Variants in GARRE1 observed in about 807,000 individuals in gnomAD.
GARRE1 encodes granule associated Rac and RHOG effector protein 1.
In GARRE1, 49 loss-of-function variants were observed where a neutral mutation model predicts 103.2. The observed-to-expected ratio is 0.47, with a 90% confidence interval of 0.38 to 0.60. The LOEUF (loss-of-function observed/expected upper bound fraction) is 0.60. Among genes scored for constraint, GARRE1 ranks in the 20% least tolerant of loss-of-function variants. The pLI, the probability that GARRE1 is intolerant of heterozygous loss-of-function variation, is 0.00. For missense variants in GARRE1, 1,199 were observed against 1,370.5 expected, an observed-to-expected ratio of 0.87 and a Z score of 1.98; for synonymous variants, 505 against 532.8, an observed-to-expected ratio of 0.95 and a Z score of 0.72.
intron 1 of GARRE1, among the ~76,000 whole-genome samples, chr19:34,255,904 G>C (rs577055157): frequency 1.2e-4 from 18 of 151,932 alleles, no homozygotes; most frequent in African/African-American, 4.1e-4. Flanking sequence ...TGCAGTGGCG[G>C]GATCTAGATT....
chr19:34,337,598 C>T (rs2074167165), intron 8 of GARRE1, among the ~76,000 whole-genome samples: 1 of 152,120 alleles, frequency 6.6e-6, no homozygotes, highest in Non-Finnish European at 1.5e-5. Flanking sequence ...TTGTAGACGT[C>T]AAGACTTGCA....
At chr19:34,279,849 G>T (rs2073840496) in intron 1 of GARRE1, among the ~76,000 whole-genome samples, 1 of 150,914 alleles carries the variant, frequency 6.6e-6, no homozygotes, top group Non-Finnish European at 1.5e-5. Flanking sequence ...GCCGGGCGTA[G>T]TGGCGGGCGC....
Position 34,342,061 on chromosome 19 carries a change from ACCTCTGACACCCCAG to A in GARRE1, c.2130_2144del (p.Leu711_Pro715del). ...GGGCACCCCAGGCTGGGGCACACAC[ACCTCTGACACCCCAG>A]CCGGGACTGGCACCTCAGCAGCAGT... On this transcript the variant is annotated inframe_deletion, in exon 10 of 14. Transcript: ENST00000299505. 1 of 1,613,744 alleles carries A rather than the reference ACCTCTGACACCCCAG, an allele frequency of 6.2e-7. No homozygotes were observed. Among genetic ancestry groups the A allele is most frequent in the Non-Finnish European group, 8.5e-7 (1 of 1,179,918 alleles).
chr19:34,298,282 G>A (rs1392537309), intron 1 of GARRE1, among the ~76,000 whole-genome samples: 1 of 151,864 alleles, frequency 6.6e-6, no homozygotes, highest in African/African-American at 2.4e-5. Context: ...CAAGCATGGT[G>A]GTACATCTGT....
In GARRE1 at chr19:34,352,973, TGCC is replaced by T; in HGVS notation, c.*19_*21del. ...AGTACTGACCCCAGGCCAGCCAGCC[TGCC>T]TGCCTGCCTGCCTGCCCGCCCAGAG... On this transcript the variant is annotated 3_prime_UTR_variant, in exon 14 of 14. Coordinates refer to ENST00000299505, the MANE Select transcript of GARRE1 (RefSeq NM_014686.5). 1.7e-6 allele frequency: 1 copy of T among 576,238 alleles called. No individual in the cohort carries two copies. The highest frequency in any genetic ancestry group is 5.9e-5 in the South Asian group (1 of 16,966). 35.7% of individuals were successfully genotyped at this position (576,238 alleles called of 1,614,324 possible). A position where few individuals can be genotyped will look rare whatever the true frequency, so the allele number is the denominator to read the frequency against.
chr19:34,341,464 G>C lies in GARRE1; in HGVS notation c.1530G>C (p.Glu510Asp). ...LPCIQIQLQR[E>D]ICDFGNQADL... ...GCATACAGATCCAGCTGCAAAGGGAGATCTGTGATTTTGGCAACCAGGCTG... is the reference window on the plus strand; with the variant it reads ...GCATACAGATCCAGCTGCAAAGGGACATCTGTGATTTTGGCAACCAGGCTG... Residue 510 changes from glutamate (E) to aspartate (D), a missense_variant, in exon 10 of 14, where the codon GAG becomes GAC. Physicochemically the swap from Glu to Asp is conservative, Grantham distance 45 (BLOSUM62 2). Transcript: ENST00000299505. 3 of 1,613,802 alleles carry C rather than the reference G, an allele frequency of 1.9e-6. No individual in the cohort carries two copies. Among genetic ancestry groups the C allele is most frequent in the Non-Finnish European group, 2.5e-6 (3 of 1,179,968 alleles).
intron 1 of GARRE1, among the ~76,000 whole-genome samples, chr19:34,284,708 A>C (rs1464390640): frequency 1.3e-5 from 2 of 152,238 alleles, no homozygotes; most frequent in Non-Finnish European, 2.9e-5. Context: ...ATTTCCATGC[A>C]GCATGAATAG....
intron 2 of GARRE1, among the ~76,000 whole-genome samples, chr19:34,306,744 A>G (rs1405211085): frequency 6.6e-6 from 1 of 152,196 alleles, no homozygotes; most frequent in East Asian, 1.9e-4. Flanking sequence ...TTACTTTTTC[A>G]GTGGAAGTGT....
intron 1 of GARRE1, among the ~76,000 whole-genome samples, chr19:34,269,803 A>AT (rs1377102298): frequency 6.6e-6 from 1 of 152,120 alleles, no homozygotes; most frequent in East Asian, 1.9e-4. Flanking sequence ...TTTCATTGAT[A>AT]TTTTTTACTC....
intron 2 of GARRE1, among the ~76,000 whole-genome samples, chr19:34,302,218 G>T (rs531143983): frequency 7.1e-6 from 1 of 141,400 alleles, no homozygotes; most frequent in East Asian, 2.1e-4. Flanking sequence ...TCTCAAACTC[G>T]CAACTTCAGG....
chr19:34,318,511 A>G (rs2074070333), intron 2 of GARRE1, among the ~76,000 whole-genome samples: 1 of 152,260 alleles, frequency 6.6e-6, no homozygotes, highest in Non-Finnish European at 1.5e-5. Flanking sequence ...GTGAATTGCA[A>G]ACTCAATAAA....
At chr19:34,288,720 G>A (rs975832199) in intron 1 of GARRE1, among the ~76,000 whole-genome samples, 1 of 152,228 alleles carries the variant, frequency 6.6e-6, no homozygotes, top group African/African-American at 2.4e-5. Flanking sequence ...ATTAAAGAGT[G>A]GGTATGAGTT....
intron 2 of GARRE1, among the ~76,000 whole-genome samples, chr19:34,314,278 G>A (rs1422402038): frequency 6.6e-6 from 1 of 152,012 alleles, no homozygotes; most frequent in Non-Finnish European, 1.5e-5. Flanking sequence ...AAAACTTCCT[G>A]TGTGTATTGA....
intron 1 of GARRE1, among the ~76,000 whole-genome samples, chr19:34,276,808 A>G (rs534016979): frequency 1.2e-4 from 18 of 152,360 alleles, no homozygotes; most frequent in Non-Finnish European, 2.4e-4. Context: ...CATTCATGTC[A>G]GATTTCCAGA....
rs3786890 is a variant in GARRE1 at position 34,317,336 on chromosome 19, A to G, written c.496-2571A>G. 4.4e-3 allele frequency among the ~76,000 whole-genome samples: 663 copies of G among 152,256 alleles called. 9 individuals are homozygous for G. The East Asian group carries it at 0.077, about 18-fold the overall frequency. On this transcript the variant is annotated intron_variant, in intron 2 of 13. Transcript: ENST00000299505. ...TGCATATCAGGCATCCCCATCTTATATATTTATTGAGAGAATGAATGACTA... is the reference window on the plus strand; with the variant it reads ...TGCATATCAGGCATCCCCATCTTATGTATTTATTGAGAGAATGAATGACTA...
rs2074237406 is a variant in GARRE1 at position 34,351,580 on chromosome 19, G to A, written c.2892G>A (p.Glu964=). The change falls in exon 13 of 14, where the codon GAG becomes GAA. Residue 964 remains glutamate, a synonymous_variant. Coordinates refer to ENST00000299505, the MANE Select transcript of GARRE1 (RefSeq NM_014686.5). Reference sequence around the variant, plus strand: ...CACCACCTCTCCTCACCACGGTGGAGGATGTGAACCAGGTATTCAGGCAGG... The same window carrying A: ...CACCACCTCTCCTCACCACGGTGGAAGATGTGAACCAGGTATTCAGGCAGG... ...LPSPPLLTTV[E]DVNQDNKTKT... 1.9e-6 allele frequency: 3 copies of A among 1,613,500 alleles called. No homozygotes were observed. The highest frequency in any genetic ancestry group is 2.5e-6 in the Non-Finnish European group (3 of 1,179,546).
intron 10 of GARRE1, among the ~76,000 whole-genome samples, chr19:34,347,578 A>G (rs1599783856): frequency 6.6e-6 from 1 of 152,314 alleles, no homozygotes; most frequent in South Asian, 2.1e-4. Flanking sequence ...ATCTAGTCGT[A>G]GGGAAATCAA....
At position 34,342,456 on chromosome 19, in the gene GARRE1, G is replaced by T; in HGVS notation, c.2521+1G>T. ...GAGATTCTGCCTTTTGATCCTGCAG[G>T]TATGTGAGGCCTCCCATCCCTCGCC... On this transcript the variant is annotated splice_donor_variant, in intron 10 of 13. Transcript: ENST00000299505. LOFTEE classifies it high-confidence loss of function. The T allele has an allele frequency of 6.2e-7, 1 of 1,605,494 alleles. No individual in the cohort carries two copies.
At chr19:34,332,020 C>T (rs2074140373) in intron 7 of GARRE1, among the ~76,000 whole-genome samples, 1 of 151,338 alleles carries the variant, frequency 6.6e-6, no homozygotes, top group Non-Finnish European at 1.5e-5. Context: ...TATGGCATTT[C>T]AGTCAGAGGT....
Sources: gnomAD v4.1 joint callset for allele counts (sites outside exome capture counted in the v4.1 genomes callset) on GRCh38, gnomAD v4.1.1 for gene constraint, MANE v1.5 for transcripts, NCBI Gene and HGNC (gene_info 2026-07-23, HGNC 2026-07-21) for gene names.